PRTG: variants seen among roughly 807,000 people sequenced by gnomAD.
PRTG encodes immunoglobulin superfamily, DCC subclass, member 5.
A neutral mutation model predicts 122.5 loss-of-function variants in PRTG; 67 were observed. The observed-to-expected ratio is 0.55, with a 90% CI of 0.45 to 0.67. PRTG has a LOEUF of 0.67. PRTG is among the 30% of genes least tolerant of loss of function. The pLI is 0.00. For synonymous variants in PRTG, 554 were observed against 501.1 expected (o/e 1.11, Z -1.41); for missense variants, 1,435 against 1,415.4 (o/e 1.01, Z -0.22).
chr15:55,737,875 G>GA (rs201230210), intron 2 of PRTG, among the ~76,000 whole-genome samples: 27 of 145,704 alleles, frequency 1.9e-4, no homozygotes, highest in Non-Finnish European at 2.6e-4. Flanking sequence ...CCTTGACTAA[G>GA]AAAAAAAACA....
chr15:55,689,861 G>C lies in PRTG; in HGVS notation c.398-5930C>G, dbSNP rs979025248. On this transcript the variant is annotated intron_variant, in intron 2 of 19. Transcript: ENST00000389286. ...AAGAATGGTGTGAACCCAGGAGGTG[G>C]AGCTTGCAGTGAGCCGAGATTGCAC... 3.3e-5 allele frequency among the ~76,000 whole-genome samples: 5 copies of C among 151,808 alleles called. No individual in the cohort carries two copies. The South Asian group carries it at 1.0e-3, about 32-fold the overall frequency.
intron 2 of PRTG, among the ~76,000 whole-genome samples, chr15:55,727,125 C>G (rs2031064066): frequency 6.6e-6 from 1 of 151,210 alleles, no homozygotes; most frequent in South Asian, 2.1e-4. Flanking sequence ...GAAAACTAAA[C>G]CCAAAGCTAG....
rs35022592 is a variant in PRTG at position 55,627,492 on chromosome 15, GTT to G, written c.2807-366_2807-365del. On this transcript the variant is annotated intron_variant, in intron 16 of 19. Transcript: ENST00000389286. Reference sequence around the variant, plus strand: ...GCACCCACCACCAACGCCCAGCTAAGTTTTTTTTTTTTTTTTTTTTTGTATTT... The same window carrying G: ...GCACCCACCACCAACGCCCAGCTAAGTTTTTTTTTTTTTTTTTTTGTATTT... Among the ~76,000 whole-genome samples, 915 of 104,824 alleles carry G rather than the reference GTT, an allele frequency of 8.7e-3. 8 individuals carry two copies. The highest frequency in any genetic ancestry group is 0.029 in the African/African-American group (753 of 25,626). The allele number at this position is 104,824 out of a possible 152,430, so 68.8% of individuals were successfully genotyped here.
chr15:55,633,451 C>T (rs879556516), intron 15 of PRTG, among the ~76,000 whole-genome samples: 8 of 152,206 alleles, frequency 5.3e-5, no homozygotes, highest in African/African-American at 1.4e-4. Flanking sequence ...CTACCATGTA[C>T]CATTTTAGCC....
chr15:55,664,203 G>A (rs745795029), intron 11 of PRTG, among the ~76,000 whole-genome samples: 13 of 152,014 alleles, frequency 8.6e-5, no homozygotes, highest in South Asian at 4.2e-4. Flanking sequence ...GTGCAATGGC[G>A]CAATCTCAGC....
At chr15:55,702,919 T>C (rs1465498734) in intron 2 of PRTG, 2 of 985,308 alleles carry the variant, frequency 2.0e-6, no homozygotes, top group African/African-American at 3.5e-5. Flanking sequence ...TGATCCAGCA[T>C]ATCCTGCAGA....
At chr15:55,728,130 T>C (rs1196335700) in intron 2 of PRTG, among the ~76,000 whole-genome samples, 1 of 152,114 alleles carries the variant, frequency 6.6e-6, no homozygotes, top group Admixed American at 6.5e-5. Context: ...CCTCCCAAAG[T>C]GCTAGAATTA....
intron 15 of PRTG, among the ~76,000 whole-genome samples, chr15:55,632,129 A>ACTTAATCAGCCTCTG (rs1195386470): frequency 2.0e-5 from 3 of 152,112 alleles, no homozygotes; most frequent in Admixed American, 6.5e-5. Flanking sequence ...TCTCCCATAA[A>ACTTAATCAGCCTCTG]CTTAATCAGC....
chr15:55,628,708 T>G (rs2141718062), intron 16 of PRTG, 114 bp downstream of exon 16: 2 of 797,636 alleles, frequency 2.5e-6, no homozygotes, highest in African/African-American at 1.7e-5. Context: ...AGCAACAACT[T>G]ACGGAACTGA....
At chr15:55,699,035 G>A (rs972514905) in intron 2 of PRTG, among the ~76,000 whole-genome samples, 2 of 152,074 alleles carry the variant, frequency 1.3e-5, no homozygotes, top group Non-Finnish European at 2.9e-5. Context: ...CAGTTCTAAA[G>A]AGCCTTCCCA....
intron 8 of PRTG, among the ~76,000 whole-genome samples, chr15:55,677,321 C>T (rs2059508255): frequency 6.6e-6 from 1 of 152,030 alleles, no homozygotes; most frequent in African/African-American, 2.4e-5. Flanking sequence ...TCAAAATATA[C>T]AAAATACTTA....
At chr15:55,733,637 G>C (rs2031312703) in intron 2 of PRTG, among the ~76,000 whole-genome samples, 1 of 151,960 alleles carries the variant, frequency 6.6e-6, no homozygotes, top group Admixed American at 6.6e-5. Context: ...GGTCAGCCTG[G>C]GCAACATAGC....
At chr15:55,658,188 C>T (rs941135024) in intron 11 of PRTG, among the ~76,000 whole-genome samples, 18 of 152,178 alleles carry the variant, frequency 1.2e-4, no homozygotes, top group African/African-American at 4.1e-4. Flanking sequence ...TATGAATGTA[C>T]CATAGCTTGT....
chr15:55,658,874 A>G (rs2059394465), intron 11 of PRTG, among the ~76,000 whole-genome samples: 1 of 152,226 alleles, frequency 6.6e-6, no homozygotes, highest in Non-Finnish European at 1.5e-5. Flanking sequence ...CTTAGAAGGA[A>G]ATGGGAGACA....
chr15:55,692,026 G>C (rs1476301412), intron 2 of PRTG, among the ~76,000 whole-genome samples: 1 of 151,952 alleles, frequency 6.6e-6, no homozygotes, highest in African/African-American at 2.4e-5. Context: ...AACAGAATGA[G>C]ACCTTGCCTC....
intron 11 of PRTG, among the ~76,000 whole-genome samples, chr15:55,664,100 T>C (rs144402626): frequency 2.0e-5 from 3 of 152,302 alleles, no homozygotes; most frequent in Admixed American, 2.0e-4. Context: ...TACATTTGTG[T>C]ACAGTTTTTT....
intron 2 of PRTG, among the ~76,000 whole-genome samples, chr15:55,714,991 A>G (rs1485718851): frequency 2.0e-5 from 3 of 152,356 alleles, no homozygotes; most frequent in African/African-American, 7.2e-5. Flanking sequence ...GATACTGAAT[A>G]CAATCAGAAA....
intron 11 of PRTG, among the ~76,000 whole-genome samples, chr15:55,665,636 T>C (rs1013557761): frequency 1.8e-4 from 28 of 151,788 alleles, no homozygotes; most frequent in African/African-American, 6.5e-4. Flanking sequence ...ACCTCTAGCT[T>C]CCAGGTTGAA....
At chr15:55,630,202 G>A (rs890014608) in intron 15 of PRTG, among the ~76,000 whole-genome samples, 9 of 152,260 alleles carry the variant, frequency 5.9e-5, no homozygotes, top group African/African-American at 2.2e-4. Flanking sequence ...TAGCCAGGAT[G>A]GTCTCGATCT....
Sources: gnomAD v4.1 joint callset for allele counts (sites outside exome capture counted in the v4.1 genomes callset) on GRCh38, gnomAD v4.1.1 for gene constraint, MANE v1.5 for transcripts, NCBI Gene and HGNC (gene_info 2026-07-23, HGNC 2026-07-21) for gene names.